The following PTPRN2 variants were observed in gnomAD, a reference collection of about 807,000 sequenced individuals.
The protein encoded by PTPRN2 is protein tyrosine phosphatase receptor type N2, also known as receptor-type tyrosine-protein phosphatase N2.
In PTPRN2, 74 loss-of-function variants were observed where a neutral mutation model predicts 118.8. The ratio of observed to expected loss-of-function variants is 0.62; its 90% CI spans 0.52 to 0.76. The LOEUF is 0.76. Among genes scored for constraint, PTPRN2 ranks in the 30% least tolerant of loss-of-function variants. PTPRN2 has a pLI of 0.00. For missense variants in PTPRN2, 1,481 were observed against 1,394.4 expected (o/e 1.06, Z -0.99); for synonymous variants, 641 against 608.0 (o/e 1.05, Z -0.80).
At chr7:158,416,568 A>C (rs2129419127) in intron 2 of PTPRN2, among the ~76,000 whole-genome samples, 1 of 152,340 alleles carries the variant, frequency 6.6e-6, no homozygotes, top group Admixed American at 6.5e-5. Flanking sequence ...GAGAAACCAA[A>C]CAACATTTCG....
rs113452858 is a variant in PTPRN2, at chr7:157,852,934, C to T, written c.1788+45739G>A. 4.0e-3 allele frequency among the ~76,000 whole-genome samples: 608 copies of T among 151,396 alleles called. 9 individuals are homozygous for T. The highest frequency in any genetic ancestry group is 0.014 in the African/African-American group (585 of 41,222). Reference sequence around the variant, plus strand: ...CCAGCAGCAAACCCTCTGAGATGTGCGTCCGGAGTGGCCATGCCACCAGCT... The same window carrying T: ...CCAGCAGCAAACCCTCTGAGATGTGTGTCCGGAGTGGCCATGCCACCAGCT... On this transcript the variant is annotated intron_variant, in intron 12 of 22. Transcript: ENST00000389418.
chr7:157,606,580 C>T (rs993256799), intron 15 of PTPRN2, among the ~76,000 whole-genome samples: 9 of 152,238 alleles, frequency 5.9e-5, no homozygotes, highest in African/African-American at 1.2e-4. Context: ...AAAGCACCCT[C>T]GCTGGAGCCC....
At position 158,517,678 on chromosome 7, in the gene PTPRN2, G is replaced by A. The variant is rs1432034019; in HGVS notation, c.113-27893C>T. ...AGTCCAAGCCAGCCTCATGGACAGC[G>A]TCTCCAGACTCTTCCCCACCATAGC... On this transcript the variant is annotated intron_variant, in intron 1 of 22. Transcript: ENST00000389418. This position sits in a 1 kb window ranked among gnomAD's most constrained non-coding sequence, Gnocchi z 5.3. 3.3e-5 allele frequency among the ~76,000 whole-genome samples: 5 copies of A among 152,054 alleles called. No individual in the cohort carries two copies. Among genetic ancestry groups the A allele is most frequent in the Admixed American group, 6.5e-5 (1 of 15,270 alleles).
chr7:158,124,230 A>G (rs111962861), intron 9 of PTPRN2, among the ~76,000 whole-genome samples: 4,091 of 152,322 alleles, frequency 0.027, 186 homozygotes, highest in African/African-American at 0.084. Context: ...CGCCAATGCC[A>G]ACGGTCCCCA....
At position 158,509,277 on chromosome 7, in the gene PTPRN2, C is replaced by T. The variant is rs1310950505; in HGVS notation, c.113-19492G>A. On this transcript the variant is annotated intron_variant, in intron 1 of 22. Transcript: ENST00000389418. This position sits in a 1 kb window ranked among gnomAD's most constrained non-coding sequence, Gnocchi z 4.4. ...CATCCACTTCCTTTCCTTGCCGGCC[C>T]GTCAGTCACAGCATCGGAAGAATGA... Among the ~76,000 whole-genome samples, 1 of 152,186 alleles carries T rather than the reference C, an allele frequency of 6.6e-6. No homozygotes were observed. The highest frequency in any genetic ancestry group is 1.9e-4 in the East Asian group (1 of 5,184).
At chr7:157,605,440 A>T (rs756413754) in intron 15 of PTPRN2, among the ~76,000 whole-genome samples, 9 of 152,248 alleles carry the variant, frequency 5.9e-5, no homozygotes, top group Non-Finnish European at 1.2e-4. Context: ...GAAGGGCTAC[A>T]GCTGTTCTCT....
chr7:157,563,009 C>T (rs1639796), intron 21 of PTPRN2, among the ~76,000 whole-genome samples: 51,295 of 54,762 alleles, frequency 0.94, 24,480 homozygotes, highest in Middle Eastern at 1. Context: ...ACCACATGCT[C>T]CCACGTCACC....
chr7:157,725,569 GA>G (rs1174393372), intron 12 of PTPRN2, among the ~76,000 whole-genome samples: 9 of 125,460 alleles, frequency 7.2e-5, no homozygotes, highest in African/African-American at 2.5e-4. Flanking sequence ...GCAGAGGAGT[GA>G]GCCAGACCCT....
chr7:158,472,866 T>G (rs1329920610), intron 2 of PTPRN2, among the ~76,000 whole-genome samples: 2 of 152,140 alleles, frequency 1.3e-5, no homozygotes, highest in Admixed American at 1.3e-4. Context: ...GAGGCAGCAG[T>G]GGCGGCGGGG....
intron 3 of PTPRN2, among the ~76,000 whole-genome samples, chr7:158,214,152 G>A (rs892543667): frequency 7.2e-5 from 11 of 152,042 alleles, no homozygotes; most frequent in African/African-American, 1.4e-4. Flanking sequence ...ACTTCTGTCC[G>A]TGGCATATCT....
At chr7:157,844,144 G>A (rs1262433921) in intron 12 of PTPRN2, among the ~76,000 whole-genome samples, 2 of 152,184 alleles carry the variant, frequency 1.3e-5, no homozygotes, top group African/African-American at 2.4e-5. Flanking sequence ...CACGTCATGG[G>A]TGTGGAACGC....
intron 3 of PTPRN2, among the ~76,000 whole-genome samples, chr7:158,255,936 A>G (rs1796994540): frequency 6.6e-6 from 1 of 152,052 alleles, no homozygotes; most frequent in Non-Finnish European, 1.5e-5. Context: ...GCTCAGAACT[A>G]CCCAGCCTCA....
chr7:158,209,297 C>T (rs1369273735), intron 3 of PTPRN2, among the ~76,000 whole-genome samples: 1 of 151,942 alleles, frequency 6.6e-6, no homozygotes, highest in Non-Finnish European at 1.5e-5. Flanking sequence ...CATCTGTTGC[C>T]TATAAAAGAC....
chr7:158,001,571 C>T (rs931605988), intron 11 of PTPRN2, among the ~76,000 whole-genome samples: 4 of 152,002 alleles, frequency 2.6e-5, no homozygotes, highest in East Asian at 3.9e-4. Flanking sequence ...ACCGGGAGGG[C>T]GGCACTTCAG....
intron 5 of PTPRN2, among the ~76,000 whole-genome samples, chr7:158,173,280 T>C (rs182891557): frequency 2.5e-3 from 376 of 152,286 alleles, no homozygotes; most frequent in African/African-American, 8.7e-3. Context: ...TTCTTTTCTA[T>C]TTTCCCTAAG....
intron 11 of PTPRN2, among the ~76,000 whole-genome samples, chr7:157,965,385 G>C (rs1175639396): frequency 2.6e-5 from 4 of 152,146 alleles, no homozygotes; most frequent in Non-Finnish European, 5.9e-5. Flanking sequence ...GCTTGGACTG[G>C]ACAGACGACA....
At chr7:157,805,546 G>A (rs1798624902) in intron 12 of PTPRN2, among the ~76,000 whole-genome samples, 1 of 152,176 alleles carries the variant, frequency 6.6e-6, no homozygotes, top group African/African-American at 2.4e-5. Context: ...TAGACACATA[G>A]AACATGTATT....
intron 21 of PTPRN2, among the ~76,000 whole-genome samples, chr7:157,556,254 C>A (rs984597792): frequency 6.6e-6 from 1 of 151,652 alleles, no homozygotes; most frequent in Non-Finnish European, 1.5e-5. Flanking sequence ...AACACTCACC[C>A]ACACTCACAT....
intron 1 of PTPRN2, among the ~76,000 whole-genome samples, chr7:158,586,963 G>C (rs1828969805): frequency 6.6e-6 from 1 of 152,132 alleles, no homozygotes; most frequent in Non-Finnish European, 1.5e-5. Context: ...CGCCGGGGAG[G>C]AAACTGAGGC....
Sources: allele counts gnomAD v4.1 joint callset (sites outside exome capture counted in the v4.1 genomes callset), GRCh38; gene constraint gnomAD v4.1.1; non-coding constraint Gnocchi (gnomAD v3.1); transcripts MANE v1.5; gene names NCBI Gene and HGNC (gene_info 2026-07-23, HGNC 2026-07-21).